Variants in TLE4 observed in about 807,000 individuals in gnomAD.
The protein encoded by TLE4 is transducin-like enhancer protein 4.
TLE4 carries 8 observed loss-of-function variants against 92.8 expected under a neutral mutation model. The ratio of observed to expected loss-of-function variants is 0.09; its 90% confidence interval spans 0.05 to 0.16. The LOEUF is 0.16. Among genes scored for constraint, TLE4 ranks in the 10% least tolerant of loss-of-function variants. The probability of loss-of-function intolerance (pLI) is 1.00; values close to 1 mark genes in which losing one functional copy is unlikely to be tolerated. For missense variants in TLE4, 675 were observed against 997.6 expected, an observed-to-expected ratio of 0.68 and a Z score of 4.36; for synonymous variants, 371 against 374.1, an observed-to-expected ratio of 0.99 and a Z score of 0.10.
chr9:79,616,325 G>GATGA (rs1406020872), intron 5 of TLE4, among the ~76,000 whole-genome samples: 1 of 152,124 alleles, frequency 6.6e-6, no homozygotes, highest in Non-Finnish European at 1.5e-5. Flanking sequence ...TCATCTGTAT[G>GATGA]ATGAAGTTAA....
At chr9:79,634,529 A>G (rs1346969199) in intron 6 of TLE4, among the ~76,000 whole-genome samples, 1 of 152,152 alleles carries the variant, frequency 6.6e-6, no homozygotes, top group Non-Finnish European at 1.5e-5. Flanking sequence ...AGTAAAATTT[A>G]CCCTTTCCAG....
At chr9:79,695,028 G>A (rs1284949583) in intron 8 of TLE4, among the ~76,000 whole-genome samples, 1 of 152,166 alleles carries the variant, frequency 6.6e-6, no homozygotes, top group Non-Finnish European at 1.5e-5. Context: ...TGTGTGATGA[G>A]AGACAAGGAA....
At chr9:79,668,785 T>C in intron 8 of TLE4, 1 of 984,440 alleles carries the variant, frequency 1.0e-6, no homozygotes, top group Non-Finnish European at 1.2e-6. Context: ...TTAATTTGCT[T>C]TAAACAAAAT....
At chr9:79,719,935 A>G (rs928613564) in intron 15 of TLE4, 111 bp from the exon 16 acceptor site, 2 of 1,371,974 alleles carry the variant, frequency 1.5e-6, no homozygotes, top group Non-Finnish European at 2.0e-6. Flanking sequence ...ATAAGTATAA[A>G]CGGCTCATTA....
intron 6 of TLE4, among the ~76,000 whole-genome samples, chr9:79,646,143 G>A (rs2058074452): frequency 2.0e-5 from 3 of 151,758 alleles, no homozygotes; most frequent in Admixed American, 2.0e-4. Flanking sequence ...ACAAATCTGT[G>A]TTATACTGTG....
In TLE4 at chr9:79,720,309, C is replaced by A; in HGVS notation, c.1838+16C>A. ...CCTTGGTGAGGTAGGTTAGCAGGAT[C>A]TGTTACCAGGTTGTGAGGAGGAGCC... On this transcript the variant is annotated intron_variant, in intron 16 of 19. Coordinates refer to ENST00000376552, the MANE Select transcript of TLE4 (RefSeq NM_007005.6). 6.2e-7 allele frequency: 1 copy of A among 1,601,882 alleles called. No individual in the cohort carries two copies. Among genetic ancestry groups the A allele is most frequent in the South Asian group, 1.1e-5 (1 of 90,370 alleles).
intron 8 of TLE4, among the ~76,000 whole-genome samples, chr9:79,670,874 T>C (rs74502832): frequency 0.014 from 2,060 of 152,262 alleles, 24 homozygotes; most frequent in Non-Finnish European, 0.018. Flanking sequence ...TTATTGGTTT[T>C]TTTTTTGTTT....
intron 14 of TLE4, among the ~76,000 whole-genome samples, chr9:79,713,821 T>C (rs1221850051): frequency 6.7e-6 from 1 of 150,082 alleles, no homozygotes. Context: ...CCAGTACCTC[T>C]TACTTAAATT....
intron 11 of TLE4, 157 bp downstream of exon 11, chr9:79,707,056 G>A: frequency 6.3e-7 from 1 of 1,582,186 alleles, no homozygotes; most frequent in Non-Finnish European, 8.7e-7. Flanking sequence ...AAAGTATGTA[G>A]AGCAGAATAA....
At chr9:79,644,619 G>A (rs973104528) in intron 6 of TLE4, among the ~76,000 whole-genome samples, 2 of 152,166 alleles carry the variant, frequency 1.3e-5, no homozygotes, top group Non-Finnish European at 2.9e-5. Flanking sequence ...CTCACACCTA[G>A]CCCGACTTAC....
chr9:79,699,714 G>T (rs982003591), intron 8 of TLE4, among the ~76,000 whole-genome samples: 2 of 152,154 alleles, frequency 1.3e-5, no homozygotes, highest in African/African-American at 4.8e-5. Context: ...TATCGTCTAT[G>T]GGCAGGGAAG....
intron 4 of TLE4, among the ~76,000 whole-genome samples, chr9:79,579,595 A>G (rs1005445070): frequency 1.3e-5 from 2 of 152,192 alleles, no homozygotes; most frequent in African/African-American, 2.4e-5. Flanking sequence ...TCTAAAACGC[A>G]TAGAATCTGA....
intron 5 of TLE4, among the ~76,000 whole-genome samples, chr9:79,624,111 T>C (rs553585619): frequency 6.7e-6 from 1 of 149,192 alleles, no homozygotes; most frequent in African/African-American, 2.5e-5. Context: ...CTCATAGTTC[T>C]AAGAAGATGT....
chr9:79,627,811 A>G (rs1157433708), intron 6 of TLE4: 1 of 221,620 alleles, frequency 4.5e-6, no homozygotes, highest in Non-Finnish European at 9.0e-6. Context: ...TCCTTGAATA[A>G]TCATGTAGAG....
At chr9:79,674,586 T>A (rs543322772) in intron 8 of TLE4, among the ~76,000 whole-genome samples, 23 of 152,298 alleles carry the variant, frequency 1.5e-4, no homozygotes, top group African/African-American at 5.5e-4. Context: ...TCAGCAAAAA[T>A]CCAAAGTATC....
At chr9:79,703,476 T>A (rs1225298615) in intron 8 of TLE4, among the ~76,000 whole-genome samples, 1 of 152,226 alleles carries the variant, frequency 6.6e-6, no homozygotes, top group East Asian at 1.9e-4. Context: ...CATTGGCACT[T>A]TTTTCACTTC....
At position 79,587,894 on chromosome 9, in the gene TLE4, ATGTAT is replaced by A. The variant is rs549353403; in HGVS notation, c.252+11719_252+11723del. ...CCAGGTAAAGCACTAAATGCTTCAG[ATGTAT>A]TAATTTGTTTAATTTGTAATCTTTT... On this transcript the variant is annotated intron_variant, in intron 4 of 19. Transcript: ENST00000376552. 2.3e-3 allele frequency among the ~76,000 whole-genome samples: 355 copies of A among 152,306 alleles called. 1 individual carries two copies. The highest frequency in any genetic ancestry group is 3.5e-3 in the Non-Finnish European group (240 of 68,016).
At chr9:79,708,389 G>A in intron 12 of TLE4, 139 bp downstream of exon 12, 2 of 1,192,586 alleles carry the variant, frequency 1.7e-6, no homozygotes, top group Non-Finnish European at 1.2e-6. Context: ...CCTGAACCGA[G>A]CACCTGGGAC....
intron 14 of TLE4, among the ~76,000 whole-genome samples, chr9:79,713,143 A>C (rs981556492): frequency 6.6e-6 from 1 of 152,220 alleles, no homozygotes; most frequent in South Asian, 2.1e-4. Flanking sequence ...CTTGTGACAC[A>C]TTGGAAATGT....
Sources: allele counts gnomAD v4.1 joint callset (sites outside exome capture counted in the v4.1 genomes callset), GRCh38; gene constraint gnomAD v4.1.1; transcripts MANE v1.5; gene names NCBI Gene and HGNC (gene_info 2026-07-23, HGNC 2026-07-21).